Variants in NTNG1 observed in about 807,000 individuals in gnomAD.
NTNG1 encodes the protein netrin-G1.
A neutral mutation model predicts 54.0 loss-of-function variants in NTNG1; 16 were observed. That is an observed-to-expected ratio of 0.30 (90% confidence interval 0.20 to 0.45). The LOEUF is 0.45. Among genes scored for constraint, NTNG1 ranks in the 20% least tolerant of loss-of-function variants. The probability of loss-of-function intolerance (pLI) is 1.00; values close to 1 mark genes in which losing one functional copy is unlikely to be tolerated. For synonymous variants in NTNG1, 255 were observed against 263.1 expected (o/e 0.97, Z 0.30); for missense variants, 530 against 678.7 (o/e 0.78, Z 2.43).
At chr1:107,440,692 G>C (rs1046846543) in intron 7 of NTNG1, among the ~76,000 whole-genome samples, 1 of 152,046 alleles carries the variant, frequency 6.6e-6, no homozygotes, top group Admixed American at 6.6e-5. Context: ...TGACCTGGGG[G>C]CTTCTAAAAA....
intron 7 of NTNG1, among the ~76,000 whole-genome samples, chr1:107,477,448 T>A (rs2101607353): frequency 6.6e-6 from 1 of 152,338 alleles, no homozygotes; most frequent in East Asian, 1.9e-4. Context: ...GTTGGTGGGA[T>A]CCAGCAGACA....
chr1:107,361,110 A>C (rs1670237754), intron 3 of NTNG1, among the ~76,000 whole-genome samples: 2 of 145,606 alleles, frequency 1.4e-5, no homozygotes, highest in Non-Finnish European at 3.0e-5. Flanking sequence ...AATATATATA[A>C]TATATATAGT....
Position 107,324,855 on chromosome 1 carries a change from A to G in NTNG1, c.820A>G (p.Ile274Val), listed in dbSNP as rs762873274. 13 of 1,613,460 alleles carry G rather than the reference A, an allele frequency of 8.1e-6. No homozygotes were observed. The highest frequency in any genetic ancestry group is 1.1e-5 in the Non-Finnish European group (13 of 1,179,718). Residue 274 changes from isoleucine (I) to valine (V), a missense_variant, in exon 3 of 8, where the codon ATA (isoleucine) becomes GTA (valine). Around this residue, in one of 2 missense-constraint regions of NTNG1, gnomAD observed 318 missense variants for 465.1 expected, o/e 0.68. Transcript: ENST00000370068. Reference sequence around the variant, plus strand: ...GCTGTTAAGACCAGCCGTTGGGGAAATATTTGTAGATGAGCTACACTTGGC... The same window carrying G: ...GCTGTTAAGACCAGCCGTTGGGGAAGTATTTGTAGATGAGCTACACTTGGC... ...IRLLRPAVGE[I>V]FVDELHLARY...
intron 2 of NTNG1, among the ~76,000 whole-genome samples, chr1:107,207,141 G>A (rs1298120878): frequency 1.3e-5 from 2 of 152,106 alleles, no homozygotes; most frequent in Admixed American, 6.6e-5. Context: ...ACAGTCTCAA[G>A]TGTCACTGTG....
intron 2 of NTNG1, among the ~76,000 whole-genome samples, chr1:107,176,321 T>A (rs1656643667): frequency 6.6e-6 from 1 of 152,164 alleles, no homozygotes; most frequent in African/African-American, 2.4e-5. Context: ...ATTTCTGAAA[T>A]TAAAATAAAA....
At chr1:107,228,063 A>G (rs868772012) in intron 2 of NTNG1, among the ~76,000 whole-genome samples, 3 of 152,196 alleles carry the variant, frequency 2.0e-5, no homozygotes, top group Admixed American at 6.5e-5. Context: ...TTCAAGTACT[A>G]TGTAAGTATC....
At chr1:107,193,765 C>T (rs2101218880) in intron 2 of NTNG1, among the ~76,000 whole-genome samples, 1 of 151,996 alleles carries the variant, frequency 6.6e-6, no homozygotes, top group Non-Finnish European at 1.5e-5. Context: ...TAAATTTCAC[C>T]TTACTCAGGT....
intron 3 of NTNG1, among the ~76,000 whole-genome samples, chr1:107,374,048 A>T (rs566565796): frequency 1.3e-5 from 2 of 152,204 alleles, no homozygotes; most frequent in South Asian, 4.1e-4. Context: ...AGAGTCCTAG[A>T]TTGACGTGTT....
intron 3 of NTNG1, among the ~76,000 whole-genome samples, chr1:107,367,820 G>T (rs1670689671): frequency 6.6e-6 from 1 of 151,948 alleles, no homozygotes; most frequent in Non-Finnish European, 1.5e-5. Flanking sequence ...GGAGTGCAGT[G>T]GTGCGATCTC....
intron 7 of NTNG1, among the ~76,000 whole-genome samples, chr1:107,469,651 G>A (rs1677851364): frequency 6.6e-6 from 1 of 151,944 alleles, no homozygotes; most frequent in African/African-American, 2.4e-5. Flanking sequence ...TAGAGCCTGG[G>A]TTCGACCATG....
At chr1:107,310,127 C>T (rs573770147) in intron 2 of NTNG1, among the ~76,000 whole-genome samples, 20 of 152,222 alleles carry the variant, frequency 1.3e-4, no homozygotes, top group African/African-American at 4.6e-4. Context: ...GAATGTGGTT[C>T]ACTTATGCAA....
chr1:107,215,599 C>A (rs185100951), intron 2 of NTNG1, among the ~76,000 whole-genome samples: 1 of 151,804 alleles, frequency 6.6e-6, no homozygotes, highest in Admixed American at 6.6e-5. Context: ...TGCTTAGTCT[C>A]GCTTTGGCCA....
chr1:107,306,153 G>A (rs985505902), intron 2 of NTNG1, among the ~76,000 whole-genome samples: 8 of 152,074 alleles, frequency 5.3e-5, no homozygotes, highest in Admixed American at 1.3e-4. Context: ...GAAATATAAT[G>A]TGTCTATATA....
chr1:107,332,636 T>C (rs1668350970), intron 3 of NTNG1, among the ~76,000 whole-genome samples: 1 of 151,378 alleles, frequency 6.6e-6, no homozygotes. Context: ...AGTGCAAGAG[T>C]TTTTTGAGAC....
At chr1:107,171,248 A>G (rs891081607) in intron 2 of NTNG1, among the ~76,000 whole-genome samples, 5 of 151,806 alleles carry the variant, frequency 3.3e-5, no homozygotes, top group African/African-American at 1.2e-4. Flanking sequence ...ACACATCACA[A>G]TTTTTCACCC....
chr1:107,398,863 T>A (rs1672847903), intron 4 of NTNG1, among the ~76,000 whole-genome samples: 1 of 152,166 alleles, frequency 6.6e-6, no homozygotes, highest in Non-Finnish European at 1.5e-5. Context: ...TCCAACTTCA[T>A]GCTTAATTAT....
intron 2 of NTNG1, among the ~76,000 whole-genome samples, chr1:107,201,677 T>C (rs1426150142): frequency 6.6e-6 from 1 of 151,902 alleles, no homozygotes; most frequent in Non-Finnish European, 1.5e-5. Flanking sequence ...GTATCAAACC[T>C]CTTAACTGGT....
At chr1:107,373,526 C>T (rs993016705) in intron 3 of NTNG1, among the ~76,000 whole-genome samples, 1 of 150,182 alleles carries the variant, frequency 6.7e-6, no homozygotes, top group Non-Finnish European at 1.5e-5. Flanking sequence ...ATTTCTTGTT[C>T]TCTTCATTCC....
In NTNG1 at chr1:107,482,069, A is replaced by AAAAAAAAAAAAAAAAAAAAAAC. The variant is rs1361208590; in HGVS notation, c.*1242_*1243insAAAAAAAACAAAAAAAAAAAAA. 1 of 150,716 alleles carries AAAAAAAAAAAAAAAAAAAAAAC rather than the reference A, an allele frequency of 6.6e-6. No individual in the cohort carries two copies. The highest frequency in any genetic ancestry group is 2.4e-5 in the African/African-American group (1 of 41,192). 9.3% of individuals were successfully genotyped at this position (150,716 alleles called of 1,614,324 possible). A position where few individuals can be genotyped will look rare whatever the true frequency, so the allele number is the denominator to read the frequency against. On this transcript the variant is annotated 3_prime_UTR_variant, in exon 8 of 8. Coordinates refer to ENST00000370068, the MANE Select transcript of NTNG1 (RefSeq NM_001113226.3). The stretch of plus-strand genomic sequence containing the variant: ...AATTACAACAGCAAAAAAAAAAAAA[A>AAAAAAAAAAAAAAAAAAAAAAC]AAAAAAAAAAAAATCTAAGTGATTG...
Sources: gnomAD v4.1 joint callset for allele counts (sites outside exome capture counted in the v4.1 genomes callset) on GRCh38, gnomAD v4.1.1 for gene constraint, gnomAD v4.1.1 regional missense constraint, MANE v1.5 for transcripts, NCBI Gene and HGNC (gene_info 2026-07-23, HGNC 2026-07-21) for gene names.